Variants in RHBDD1 observed in about 807,000 individuals in gnomAD.
RHBDD1 encodes rhomboid domain containing 1, also known as rhomboid-related protein 4.
In RHBDD1, 38 loss-of-function variants were observed where a neutral mutation model predicts 36.3. The ratio of observed to expected loss-of-function variants is 1.05; its 90% confidence interval spans 0.81 to 1.37. RHBDD1 has a LOEUF of 1.37. Ranked by LOEUF, RHBDD1 falls within the 40% of genes most tolerant of loss-of-function variation. RHBDD1 has a pLI of 0.00. For missense variants in RHBDD1, 393 were observed against 377.6 expected (o/e 1.04, Z -0.34); for synonymous variants, 151 against 136.5 (o/e 1.11, Z -0.74).
intron 5 of RHBDD1, among the ~76,000 whole-genome samples, chr2:226,899,455 A>G (rs933379586): frequency 6.6e-5 from 10 of 152,186 alleles, no homozygotes; most frequent in Non-Finnish European, 1.5e-4. Flanking sequence ...CAAGTGCTGC[A>G]TATCTAGAGG....
chr2:226,976,151 C>A (rs1660651586), intron 8 of RHBDD1, among the ~76,000 whole-genome samples: 1 of 151,176 alleles, frequency 6.6e-6, no homozygotes, highest in Admixed American at 6.6e-5. Flanking sequence ...ACAGCCTGCT[C>A]TTCCCTCAAG....
chr2:226,924,069 CAGA>C (rs1344389799), intron 8 of RHBDD1, among the ~76,000 whole-genome samples: 3 of 152,084 alleles, frequency 2.0e-5, no homozygotes, highest in Non-Finnish European at 4.4e-5. Context: ...TTTCCTTAAG[CAGA>C]AGGAGTCTCT....
At chr2:226,806,393 T>C in the RHBDD1 span, among the ~76,000 whole-genome samples, 1 of 152,206 alleles carries the variant, frequency 6.6e-6, no homozygotes, top group Non-Finnish European at 1.5e-5. Context: ...AGTTCCCCCA[T>C]TTCCCATTCC....
intron 8 of RHBDD1, among the ~76,000 whole-genome samples, chr2:226,987,405 C>G (rs895681939): frequency 1.3e-5 from 2 of 152,144 alleles, no homozygotes; most frequent in Non-Finnish European, 2.9e-5. Context: ...AGGACATTGC[C>G]AAGGAGCATA....
chr2:226,852,071 C>T (rs950715361), intron 3 of RHBDD1, among the ~76,000 whole-genome samples: 1 of 152,190 alleles, frequency 6.6e-6, no homozygotes, highest in Admixed American at 6.5e-5. Context: ...TGAAATTGAT[C>T]TCGCCTTTCT....
chr2:226,826,732 G>A, the RHBDD1 span, among the ~76,000 whole-genome samples: 1 of 151,910 alleles, frequency 6.6e-6, no homozygotes, highest in Admixed American at 6.6e-5. Context: ...ACGTTAGCCA[G>A]GATGATCTCA....
intron 5 of RHBDD1, among the ~76,000 whole-genome samples, chr2:226,890,232 T>G (rs1034727413): frequency 1.3e-5 from 2 of 152,242 alleles, no homozygotes; most frequent in African/African-American, 4.8e-5. Flanking sequence ...TACTTAAAAA[T>G]AGTGTGTCTG....
intron 7 of RHBDD1, among the ~76,000 whole-genome samples, chr2:226,913,098 G>C (rs1177306414): frequency 6.6e-6 from 1 of 152,106 alleles, no homozygotes; most frequent in Admixed American, 6.6e-5. Flanking sequence ...TTCTGAGCAT[G>C]AAATCTCAAT....
intron 8 of RHBDD1, among the ~76,000 whole-genome samples, chr2:226,932,751 C>T (rs1252643929): frequency 2.6e-5 from 4 of 151,986 alleles, no homozygotes; most frequent in African/African-American, 9.7e-5. Context: ...CTGGGTTTGG[C>T]AGTATGGCCT....
At chr2:226,940,419 T>C (rs570049652) in intron 8 of RHBDD1, among the ~76,000 whole-genome samples, 3 of 152,310 alleles carry the variant, frequency 2.0e-5, no homozygotes, top group African/African-American at 7.2e-5. Flanking sequence ...TTATGAATTG[T>C]CTCTTTTGGT....
chr2:226,809,570 A>G, the RHBDD1 span, among the ~76,000 whole-genome samples: 3 of 150,980 alleles, frequency 2.0e-5, no homozygotes, highest in Admixed American at 6.6e-5. Context: ...TAGTCTCACT[A>G]TGCAATTTAG....
intron 8 of RHBDD1, among the ~76,000 whole-genome samples, chr2:226,922,218 T>G (rs1246661320): frequency 2.1e-5 from 3 of 142,616 alleles, no homozygotes; most frequent in Non-Finnish European, 3.1e-5. Context: ...TTTTTTTTTT[T>G]TTTTTTTGAG....
At chr2:226,843,224 A>T (rs1941862482) in intron 3 of RHBDD1, among the ~76,000 whole-genome samples, 1 of 152,066 alleles carries the variant, frequency 6.6e-6, no homozygotes, top group Non-Finnish European at 1.5e-5. Context: ...CAAACAGATA[A>T]TTTCACTTCC....
At chr2:226,806,236 A>G in the RHBDD1 span, among the ~76,000 whole-genome samples, 1 of 152,342 alleles carries the variant, frequency 6.6e-6, no homozygotes, top group Non-Finnish European at 1.5e-5. Flanking sequence ...TTGTAATTGC[A>G]TCACTACCTG....
the RHBDD1 span, among the ~76,000 whole-genome samples, chr2:226,816,397 G>GA: frequency 7.7e-5 from 9 of 116,230 alleles, no homozygotes; most frequent in Non-Finnish European, 1.4e-4. Flanking sequence ...AAAAAAAAAA[G>GA]AAAAAAAACA....
chr2:226,936,860 C>T (rs1022761968), intron 8 of RHBDD1, among the ~76,000 whole-genome samples: 5 of 152,060 alleles, frequency 3.3e-5, no homozygotes, highest in East Asian at 1.9e-4. Flanking sequence ...AAATGACAAG[C>T]GATTTAAATG....
chr2:226,839,280 C>T (rs1012668849), intron 2 of RHBDD1, 129 bp from the exon 3 acceptor site: 2 of 151,992 alleles, frequency 1.3e-5, no homozygotes, highest in Admixed American at 6.6e-5. Context: ...AAATTAGATA[C>T]GTACATGTAT....
chr2:226,920,146 A>G (rs1313482269), intron 8 of RHBDD1, among the ~76,000 whole-genome samples: 3 of 151,878 alleles, frequency 2.0e-5, no homozygotes, highest in African/African-American at 4.8e-5. Flanking sequence ...AAATACTTGT[A>G]TTTACTTGTA....
At chr2:226,829,477 AT>A in the RHBDD1 span, among the ~76,000 whole-genome samples, 4 of 152,314 alleles carry the variant, frequency 2.6e-5, no homozygotes, top group Middle Eastern at 0.01. Context: ...CATTTGAACA[AT>A]ATTGAGGCTT....
Sources: allele counts gnomAD v4.1 joint callset (sites outside exome capture counted in the v4.1 genomes callset), GRCh38; gene constraint gnomAD v4.1.1; transcripts MANE v1.5; gene names NCBI Gene and HGNC (gene_info 2026-07-23, HGNC 2026-07-21).